The following LILRB5 variants were observed in gnomAD, a reference collection of about 807,000 sequenced individuals.
The protein encoded by LILRB5 is leukocyte immunoglobulin like receptor B5, also known as leukocyte immunoglobulin-like receptor subfamily B member 5.
In LILRB5, 61 loss-of-function variants were observed where a neutral mutation model predicts 68.4. That is an observed-to-expected ratio of 0.89 (90% CI 0.73 to 1.10). The LOEUF (loss-of-function observed/expected upper bound fraction) is 1.10, where lower values mean the gene tolerates loss of function less well. Among genes scored for constraint, LILRB5 ranks in the 50% least tolerant of loss-of-function variants. The pLI, the probability that LILRB5 is intolerant of heterozygous loss-of-function variation, is 0.00. For synonymous variants in LILRB5, 356 were observed against 315.8 expected (o/e 1.13, Z -1.35); for missense variants, 771 against 751.6 (o/e 1.03, Z -0.30).
Position 54,257,186 on chromosome 19 carries a change from A to AGGGTCAT in LILRB5, c.1_7dup (p.Leu3HisfsTer34). On this transcript the variant is annotated frameshift_variant, in exon 1 of 13. Transcript: ENST00000449561. LOFTEE classifies it high-confidence loss of function. The stretch of plus-strand genomic sequence containing the variant: ...GAGGCAAATCAGGACTGAGAGGGTG[A>AGGGTCAT]GGGTCATGGCGTCAGCTCCCACTGG... 6.2e-7 allele frequency: 1 copy of AGGGTCAT among 1,614,168 alleles called. No individual in the cohort carries two copies. The highest frequency in any genetic ancestry group is 8.5e-7 in the Non-Finnish European group (1 of 1,180,016).
rs1243497837 is a variant in LILRB5, at chr19:54,250,523, A to G, written c.*263T>C. 2 of 506,892 alleles carry G rather than the reference A, an allele frequency of 3.9e-6. No individual in the cohort carries two copies. The highest frequency in any genetic ancestry group is 6.9e-6 in the Non-Finnish European group (2 of 288,830). 31.4% of individuals were successfully genotyped at this position (506,892 alleles called of 1,614,324 possible). ...ATATTTACATTATCATTCCAAATTT[A>G]TACCATGCTCTAATTTCTGTTTCAG... On this transcript the variant is annotated 3_prime_UTR_variant, in exon 13 of 13. Coordinates refer to ENST00000449561, the MANE Select transcript of LILRB5 (RefSeq NM_001081442.3).
At chr19:54,252,811 C>T in intron 9 of LILRB5, 60 bp downstream of exon 9, 7 of 1,465,362 alleles carry the variant, frequency 4.8e-6, no homozygotes, top group Non-Finnish European at 6.5e-6. Flanking sequence ...TGGTTTCCCT[C>T]TGGCTGGTGC....
intron 8 of LILRB5, 28 bp from the exon 9 acceptor site, chr19:54,253,015 G>T (rs1207272592): frequency 1.4e-6 from 2 of 1,469,836 alleles, no homozygotes; most frequent in Non-Finnish European, 9.2e-7. Flanking sequence ...TGGGAATGGG[G>T]ATGACGTCAT....
In LILRB5 at chr19:54,254,798, C is replaced by A. The variant is rs762336743; in HGVS notation, c.1192G>T (p.Ala398Ser). 1.9e-6 allele frequency: 3 copies of A among 1,613,994 alleles called. No homozygotes were observed. Among genetic ancestry groups the A allele is most frequent in the East Asian group, 2.2e-5 (1 of 44,890 alleles). Residue 398 changes from alanine to serine, a missense_variant, in exon 6 of 13, where the codon GCA becomes TCA. By Grantham distance (99) the Ala-to-Ser change is moderately conservative. Coordinates refer to ENST00000449561, the MANE Select transcript of LILRB5 (RefSeq NM_001081442.3). ...AQGGTYRCYS[A>S]IRSYPYLLSS... ...AGCAGGTAGGGGTAGGACCTGATTGCGCTGTAGCATCGGTAGGTTCCACCC... is the reference window on the plus strand; with the variant it reads ...AGCAGGTAGGGGTAGGACCTGATTGAGCTGTAGCATCGGTAGGTTCCACCC...
Position 54,256,103 on chromosome 19 carries a change from A to C in LILRB5, c.595T>G (p.Tyr199Asp), listed in dbSNP as rs757775101. Residue 199 changes from tyrosine (Y) to aspartate (D), a missense_variant, in exon 4 of 13, where the codon TAC becomes GAC. Physicochemically the swap from Tyr to Asp is radical, Grantham distance 160. Coordinates refer to ENST00000449561, the MANE Select transcript of LILRB5 (RefSeq NM_001081442.3). ...CRWRFRCYYY[Y>D]RKNPQVWSNP... ...GACCACACCTGAGGGTTTTTCCTGT[A>C]ATAGTAATAGCATCTGAACCTCCAC... 6.3e-7 allele frequency: 1 copy of C among 1,593,120 alleles called. No individual in the cohort carries two copies. The highest frequency in any genetic ancestry group is 8.5e-7 in the Non-Finnish European group (1 of 1,170,738).
In LILRB5 at chr19:54,256,151, C is replaced by T. The variant is rs1043537325; in HGVS notation, c.547G>A (p.Gly183Ser). 1.2e-6 allele frequency: 2 copies of T among 1,611,794 alleles called. No homozygotes were observed. The highest frequency in any genetic ancestry group is 1.7e-6 in the Non-Finnish European group (2 of 1,179,146). ...KGPSQALFPV[G>S]PVTPSCRWRF... ...CACCTGCAGCTGGGGGTCACGGGAC[C>T]CACAGGGAACAGGGCCTGGGATGGC... Residue 183 changes from glycine to serine, a missense_variant, in exon 4 of 13, where the codon GGT (glycine) becomes AGT (serine). Transcript: ENST00000449561.
In LILRB5 at chr19:54,255,436, C is replaced by G; in HGVS notation, c.802G>C (p.Gly268Arg). The G allele has an allele frequency of 6.2e-7, 1 of 1,614,102 alleles. No homozygotes were observed. The highest frequency in any genetic ancestry group is 8.5e-7 in the Non-Finnish European group (1 of 1,180,012). The change falls in exon 5 of 13, where the codon GGC (glycine) becomes CGC (arginine). Residue 268 changes from glycine (G) to arginine (R), a missense_variant. Gly to Arg is a moderately radical substitution (Grantham distance 125). Transcript: ENST00000449561. ...GAGAGCCCAGCCTGGGGCTGCTGGC[C>G]AGAGCCCTGGACGAGGTCATGTTCC... ...EGEHDLVQGS[G>R]QQPQAGLSQA...
In LILRB5 at chr19:54,255,423, TG is replaced by T; in HGVS notation, c.814del (p.Gln272ArgfsTer14). On this transcript the variant is annotated frameshift_variant, in exon 5 of 13. Transcript: ENST00000449561. LOFTEE classifies it high-confidence loss of function. The part of the protein sequence containing the change: ...DLVQGSGQQP[Q>X]AGLSQANFTL... The stretch of plus-strand genomic sequence containing the variant: ...GAAGTTGGCCTGGGAGAGCCCAGCC[TG>T]GGGCTGCTGGCCAGAGCCCTGGACG... 1.2e-6 allele frequency: 2 copies of T among 1,614,118 alleles called. No homozygotes were observed. Among genetic ancestry groups the T allele is most frequent in the South Asian group, 2.2e-5 (2 of 91,086 alleles).
At chr19:54,255,847 G>C in intron 4 of LILRB5, 196 bp downstream of exon 4, 3 of 653,132 alleles carry the variant, frequency 4.6e-6, no homozygotes, top group Non-Finnish European at 7.7e-6. Flanking sequence ...GCCTTCCTGA[G>C]TCGACCCCTT....
Position 54,255,019 on chromosome 19 carries a change from G to A in LILRB5, c.971C>T (p.Pro324Leu), listed in dbSNP as rs1173179211. ...ILIAGLIPDI[P>L]ALSVQPGPKV... ...GGGGCCCGGCTGCACCGAGAGGGCG[G>A]GTATGTCAGGGATCAGTCCTGGAGA... Residue 324 changes from proline (P) to leucine (L), a missense_variant, in exon 6 of 13, where the codon CCC (proline) becomes CTC (leucine). Physicochemically the swap from Pro to Leu is moderately conservative, Grantham distance 98. Coordinates refer to ENST00000449561, the MANE Select transcript of LILRB5 (RefSeq NM_001081442.3). The A allele has an allele frequency of 6.2e-7, 1 of 1,608,950 alleles. No homozygotes were observed. Among genetic ancestry groups the A allele is most frequent in the Non-Finnish European group, 8.5e-7 (1 of 1,176,858 alleles).
chr19:54,252,978 C>T lies in LILRB5; in HGVS notation c.1367G>A (p.Arg456Lys), dbSNP rs770641531. The change falls in exon 9 of 13, where the codon AGG (arginine) becomes AAG (lysine). Residue 456 changes from arginine to lysine, a missense_variant. Coordinates refer to ENST00000449561, the MANE Select transcript of LILRB5 (RefSeq NM_001081442.3). ...TGLDPQSGLG[R>K]HLGVVTGVSV... ...GACCCCAGTCACAACCCCCAGGTGC[C>T]TTCCCAGACCTTGAGCGTGATGACG... 8 of 1,561,022 alleles carry T rather than the reference C, an allele frequency of 5.1e-6. No homozygotes were observed. In the Admixed American group the frequency reaches 1.4e-4, roughly 27 times the overall value.
Position 54,250,459 on chromosome 19 carries a change from G to A in LILRB5, c.*327C>T, listed in dbSNP as rs548780252. 96 of 286,922 alleles carry A rather than the reference G, an allele frequency of 3.3e-4. No individual in the cohort carries two copies. The highest frequency in any genetic ancestry group is 3.1e-3 in the Middle Eastern group (3 of 970). 17.8% of individuals were successfully genotyped at this position (286,922 alleles called of 1,614,324 possible). A position where few individuals can be genotyped will look rare whatever the true frequency, so the allele number is the denominator to read the frequency against. ...GGTTTTATTCTTTTCTAATTCATTC[G>A]CTCATTTGTAGTTTTCCGATTTCAT... On this transcript the variant is annotated 3_prime_UTR_variant, in exon 13 of 13. Transcript: ENST00000449561.
chr19:54,249,429 CAT>C lies in LILRB5; in HGVS notation c.*1355_*1356del, dbSNP rs1266607549. 1.3e-5 allele frequency: 2 copies of C among 151,856 alleles called. No homozygotes were observed. Among genetic ancestry groups the C allele is most frequent in the Admixed American group, 6.6e-5 (1 of 15,240 alleles). The allele number at this position is 151,856 out of a possible 1,614,324, so 9.4% of individuals were successfully genotyped here. The stretch of plus-strand genomic sequence containing the variant: ...AATATTATATAAAATAATTAGAAGA[CAT>C]AGAAAAATCAGATTTAATGAACACA... On this transcript the variant is annotated 3_prime_UTR_variant, in exon 13 of 13. Transcript: ENST00000449561.
chr19:54,254,669 G>A (rs1476598615), intron 6 of LILRB5, 66 bp downstream of exon 6: 5 of 1,584,426 alleles, frequency 3.2e-6, no homozygotes, highest in Admixed American at 3.4e-5. Context: ...CCAGCCCAGA[G>A]CTCTCCTGGG....
Position 54,252,981 on chromosome 19 carries a change from C to T in LILRB5, c.1364G>A (p.Gly455Glu). ...PTGLDPQSGL[G>E]RHLGVVTGVS... ...CCCAGTCACAACCCCCAGGTGCCTT[C>T]CCAGACCTTGAGCGTGATGACGTTG... Residue 455 changes from glycine (G) to glutamate (E), a missense_variant, in exon 9 of 13, where the codon GGA becomes GAA. Transcript: ENST00000449561. 1 of 1,560,502 alleles carries T rather than the reference C, an allele frequency of 6.4e-7. No individual in the cohort carries two copies. The highest frequency in any genetic ancestry group is 8.7e-7 in the Non-Finnish European group (1 of 1,146,766).
In LILRB5 at chr19:54,255,000, C is replaced by T. The variant is rs535480160; in HGVS notation, c.990G>A (p.Pro330=). ...IPDIPALSVQ[P]GPKVASGENV... ...TCTCTCCTGAGGCCACCTTGGGGCC[C>T]GGCTGCACCGAGAGGGCGGGTATGT... The change falls in exon 6 of 13, where the codon CCG becomes CCA. Residue 330 remains proline (P), a synonymous_variant. Coordinates refer to ENST00000449561, the MANE Select transcript of LILRB5 (RefSeq NM_001081442.3). 1.1e-4 allele frequency: 185 copies of T among 1,611,350 alleles called. No individual in the cohort carries two copies. The highest frequency in any genetic ancestry group is 2.7e-4 in the African/African-American group (20 of 74,666).
At chr19:54,255,684 C>CA in intron 4 of LILRB5, 102 bp from the exon 5 acceptor site, 2 of 1,337,506 alleles carry the variant, frequency 1.5e-6, no homozygotes, top group Non-Finnish European at 1.0e-6. Flanking sequence ...CTGTCTCTCA[C>CA]GCTCTGTGTC....
Position 54,256,634 on chromosome 19 carries a change from C to G in LILRB5, c.210G>C (p.Lys70Asn). 1 of 1,614,170 alleles carries G rather than the reference C, an allele frequency of 6.2e-7. No individual in the cohort carries two copies. Among genetic ancestry groups the G allele is most frequent in the Non-Finnish European group, 8.5e-7 (1 of 1,180,002 alleles). Residue 70 changes from lysine to asparagine, a missense_variant, in exon 3 of 13, where the codon AAG becomes AAC. Transcript: ENST00000449561. Reference protein sequence around the residue: ...LDKEGLPWARKRQNPLEPGAK... With the variant: ...LDKEGLPWARNRQNPLEPGAK... Reference sequence around the variant, plus strand: ...CTCCAGGCTCCAGTGGGTTCTGTCTCTTCCGGGCCCATGGGAGTCCCTCCT... The same window carrying G: ...CTCCAGGCTCCAGTGGGTTCTGTCTGTTCCGGGCCCATGGGAGTCCCTCCT...
intron 5 of LILRB5, 96 bp downstream of exon 5, chr19:54,255,187 GACC>G (rs1375624570): frequency 6.6e-7 from 1 of 1,520,722 alleles, no homozygotes; most frequent in Non-Finnish European, 8.8e-7. Flanking sequence ...CCTCCCTTGG[GACC>G]ACCCCCCCGC....
Sources: gnomAD v4.1 joint callset for allele counts on GRCh38, gnomAD v4.1.1 for gene constraint, MANE v1.5 for transcripts, NCBI Gene and HGNC (gene_info 2026-07-23, HGNC 2026-07-21) for gene names.